The following AKAP13 variants were observed in gnomAD, a reference collection of about 807,000 sequenced individuals.
The protein encoded by AKAP13 is A-kinase anchor protein 13.
A neutral mutation model predicts 264.5 loss-of-function variants in AKAP13; 80 were observed. That is an observed-to-expected ratio of 0.30 (90% CI 0.25 to 0.36). The LOEUF (loss-of-function observed/expected upper bound fraction) is 0.36. AKAP13 is among the 10% of genes least tolerant of loss of function. The pLI, the probability that AKAP13 is intolerant of heterozygous loss-of-function variation, is 1.00. For missense variants in AKAP13, 3,712 were observed against 3,435.2 expected (o/e 1.08, Z -2.01); for synonymous variants, 1,380 against 1,250.2 (o/e 1.10, Z -2.19).
At chr15:85,385,210 A>G (rs2070493999) in intron 1 of AKAP13, among the ~76,000 whole-genome samples, 1 of 152,228 alleles carries the variant, frequency 6.6e-6, no homozygotes, top group Non-Finnish European at 1.5e-5. Context: ...GTTATTCACA[A>G]CAAGAAAGAT....
At chr15:85,472,569 G>A (rs1284540312) in intron 1 of AKAP13, among the ~76,000 whole-genome samples, 1 of 152,054 alleles carries the variant, frequency 6.6e-6, no homozygotes, top group Non-Finnish European at 1.5e-5. Flanking sequence ...ACTTCTCAAG[G>A]GAGGAGATGC....
chr15:85,709,666 T>TTTTATTTTATTTTAC (rs2086520497), intron 18 of AKAP13, among the ~76,000 whole-genome samples: 1 of 140,742 alleles, frequency 7.1e-6, no homozygotes, highest in Non-Finnish European at 1.5e-5. Context: ...GGGAATTTTA[T>TTTTATTTTATTTTAC]TTTATTTTAT....
chr15:85,389,822 G>T (rs1473096516), intron 1 of AKAP13: 2 of 152,192 alleles, frequency 1.3e-5, no homozygotes, highest in Non-Finnish European at 2.9e-5. Context: ...TCCCCCCGTG[G>T]GGGAGTCTTC....
chr15:85,617,286 C>T (rs2080982149), intron 8 of AKAP13, among the ~76,000 whole-genome samples: 1 of 152,142 alleles, frequency 6.6e-6, no homozygotes, highest in Non-Finnish European at 1.5e-5. Flanking sequence ...GCTCTGTTGC[C>T]AGGCTCGAGT....
intron 1 of AKAP13, among the ~76,000 whole-genome samples, chr15:85,399,531 T>TAAAAAAAA (rs1209122994): frequency 3.5e-4 from 37 of 104,972 alleles, no homozygotes; most frequent in Non-Finnish European, 5.0e-4. Context: ...AATAAAAAAA[T>TAAAAAAAA]AAAAAAATAA....
intron 2 of AKAP13, among the ~76,000 whole-genome samples, chr15:85,508,251 C>A (rs1406090196): frequency 6.6e-6 from 1 of 151,884 alleles, no homozygotes; most frequent in Admixed American, 6.6e-5. Flanking sequence ...TCCAGCAGTC[C>A]TTCTACCTCA....
chr15:85,441,220 G>A (rs1158205667), intron 1 of AKAP13, among the ~76,000 whole-genome samples: 3 of 145,058 alleles, frequency 2.1e-5, no homozygotes, highest in South Asian at 4.3e-4. Context: ...TTTAATGGCC[G>A]TTCTGGTGGG....
chr15:85,610,982 C>A lies in AKAP13; in HGVS notation c.4161+25159C>A, dbSNP rs1284046197. ...CAACAAGAGCGAAACTCCACCCCCC[C>A]ACTCCCCTCCCCCAAAAAACCTTAA... On this transcript the variant is annotated intron_variant, in intron 8 of 36. Transcript: ENST00000394518. Among the ~76,000 whole-genome samples, 3 of 152,146 alleles carry A rather than the reference C, an allele frequency of 2.0e-5. No individual in the cohort carries two copies. The South Asian group carries it at 6.2e-4, about 32-fold the overall frequency.
At chr15:85,542,571 G>A (rs2169877) in intron 4 of AKAP13, among the ~76,000 whole-genome samples, 106,771 of 152,110 alleles carry the variant, frequency 0.7, 37,599 homozygotes, top group South Asian at 0.8. Context: ...ACCCGTGGGA[G>A]GCCATGAAGA....
In AKAP13 at chr15:85,578,808, C is replaced by T. The variant is rs926823473; in HGVS notation, c.862-122C>T. The T allele has an allele frequency of 7.0e-6, 6 of 859,664 alleles. No homozygotes were observed. The African/African-American group carries it at 8.6e-5, about 12-fold the overall frequency. 53.3% of individuals were successfully genotyped at this position (859,664 alleles called of 1,614,324 possible). On this transcript the variant is annotated intron_variant, in intron 6 of 36. Coordinates refer to ENST00000394518, the MANE Select transcript of AKAP13 (RefSeq NM_007200.5). The stretch of plus-strand genomic sequence containing the variant: ...TTTGTATTCTTTTAGATTCGCTTAT[C>T]ATGTGACCTTAGAAGAGCTAGAATA...
rs557119664 is a variant in AKAP13, at chr15:85,391,715, A to G, written c.-12+10917A>G. Among the ~76,000 whole-genome samples, 5 of 150,654 alleles carry G rather than the reference A, an allele frequency of 3.3e-5. No individual in the cohort carries two copies. The East Asian group carries it at 7.8e-4, about 24-fold the overall frequency. ...GTCCAGGCTGTTCCTGAACTCTTAG[A>G]CTCAAGCGATCCACCCACCTTGGCC... On this transcript the variant is annotated intron_variant, in intron 1 of 36. Coordinates refer to ENST00000394518, the MANE Select transcript of AKAP13 (RefSeq NM_007200.5).
chr15:85,597,811 G>C (rs2079885214), intron 8 of AKAP13, among the ~76,000 whole-genome samples: 2 of 152,028 alleles, frequency 1.3e-5, no homozygotes, highest in Non-Finnish European at 2.9e-5. Flanking sequence ...GAAATTTAGT[G>C]AAAATTGTTA....
chr15:85,506,622 A>G (rs1236693187), intron 2 of AKAP13, among the ~76,000 whole-genome samples: 1 of 152,230 alleles, frequency 6.6e-6, no homozygotes, highest in Non-Finnish European at 1.5e-5. Flanking sequence ...AAGATAGATA[A>G]GGAGAGTTAG....
intron 8 of AKAP13, among the ~76,000 whole-genome samples, chr15:85,587,326 G>C (rs1043047046): frequency 6.6e-6 from 1 of 152,194 alleles, no homozygotes; most frequent in East Asian, 1.9e-4. Flanking sequence ...TTTGTCTCTG[G>C]CTTCTTTCAC....
chr15:85,605,749 C>T (rs2080295249), intron 8 of AKAP13, among the ~76,000 whole-genome samples: 1 of 152,144 alleles, frequency 6.6e-6, no homozygotes, highest in African/African-American at 2.4e-5. Context: ...TTATGGAACC[C>T]ACCCAAACTT....
At chr15:85,639,104 C>T (rs537384541) in intron 8 of AKAP13, among the ~76,000 whole-genome samples, 43 of 152,240 alleles carry the variant, frequency 2.8e-4, no homozygotes, top group African/African-American at 9.2e-4. Context: ...TTTAATTTTA[C>T]CCTTGGCCTA....
At chr15:85,510,918 T>C (rs997298190) in intron 2 of AKAP13, among the ~76,000 whole-genome samples, 1 of 152,166 alleles carries the variant, frequency 6.6e-6, no homozygotes, top group African/African-American at 2.4e-5. Context: ...TAGAGAGAGA[T>C]ATGGCAAATC....
intron 1 of AKAP13, among the ~76,000 whole-genome samples, chr15:85,477,461 G>T (rs1181528212): frequency 1.3e-5 from 2 of 151,968 alleles, no homozygotes; most frequent in African/African-American, 4.8e-5. Flanking sequence ...GCACCTCAGG[G>T]AAGTCATGGT....
At chr15:85,610,332 A>G (rs1481404031) in intron 8 of AKAP13, among the ~76,000 whole-genome samples, 1 of 152,154 alleles carries the variant, frequency 6.6e-6, no homozygotes, top group Non-Finnish European at 1.5e-5. Flanking sequence ...TTTCCAAAAC[A>G]CTTGTCCACC....
Sources: allele counts gnomAD v4.1 joint callset (sites outside exome capture counted in the v4.1 genomes callset), GRCh38; gene constraint gnomAD v4.1.1; transcripts MANE v1.5; gene names NCBI Gene and HGNC (gene_info 2026-07-23, HGNC 2026-07-21).